Variants in PCDHA2 observed in about 807,000 individuals in gnomAD.
PCDHA2 encodes protocadherin alpha 2.
A neutral mutation model predicts 66.0 loss-of-function variants in PCDHA2; 58 were observed. The ratio of observed to expected loss-of-function variants is 0.88; its 90% confidence interval spans 0.71 to 1.09. The LOEUF (loss-of-function observed/expected upper bound fraction) is 1.09, where lower values mean the gene tolerates loss of function less well. PCDHA2 is among the 50% of genes least tolerant of loss of function. The pLI, the probability that PCDHA2 is intolerant of heterozygous loss-of-function variation, is 0.00. For synonymous variants in PCDHA2, 634 were observed against 554.0 expected (o/e 1.14, Z -2.03); for missense variants, 1,267 against 1,242.3 (o/e 1.02, Z -0.30).
rs782035990 is a variant in PCDHA2 at position 140,871,124 on chromosome 5, C to A, written c.2388+73772C>A. 142 of 1,613,206 alleles carry A rather than the reference C, an allele frequency of 8.8e-5. No individual in the cohort carries two copies. The highest frequency in any genetic ancestry group is 1.2e-4 in the Non-Finnish European group (138 of 1,179,888). Reference sequence around the variant, plus strand: ...GTGTCGTTGGTGGAGAGCGGACAGGCGCCAAAGGCCTCTTCCCGGACTTTG... The same window carrying A: ...GTGTCGTTGGTGGAGAGCGGACAGGAGCCAAAGGCCTCTTCCCGGACTTTG... On this transcript the variant is annotated intron_variant, in intron 1 of 3. Coordinates refer to ENST00000526136, the MANE Select transcript of PCDHA2 (RefSeq NM_018905.3).
At chr5:140,974,009 A>C (rs1554235749) in intron 1 of PCDHA2, among the ~76,000 whole-genome samples, 2 of 152,236 alleles carry the variant, frequency 1.3e-5, no homozygotes, top group African/African-American at 4.8e-5. Flanking sequence ...TGTTTTGTGC[A>C]TGTGATAATA....
In PCDHA2 at chr5:140,802,957, C is replaced by A. The variant is rs368124157; in HGVS notation, c.2388+5605C>A. Reference sequence around the variant, plus strand: ...GAGCTGGTGCCGCGGTCAGTGGGTGCGGGCCACGTGGTAGCGAAGGTGCGC... The same window carrying A: ...GAGCTGGTGCCGCGGTCAGTGGGTGAGGGCCACGTGGTAGCGAAGGTGCGC... On this transcript the variant is annotated intron_variant, in intron 1 of 3. Transcript: ENST00000526136. The A allele has an allele frequency of 3.1e-6, 5 of 1,613,890 alleles. No homozygotes were observed. The highest frequency in any genetic ancestry group is 4.2e-6 in the Non-Finnish European group (5 of 1,179,896).
chr5:140,931,279 C>T (rs73793526), intron 1 of PCDHA2, among the ~76,000 whole-genome samples: 2,016 of 152,088 alleles, frequency 0.013, 37 homozygotes, highest in African/African-American at 0.046. Context: ...CTTTTATTTT[C>T]ATTGCTTTCT....
intron 1 of PCDHA2, chr5:140,927,342 T>C: frequency 6.2e-7 from 1 of 1,614,160 alleles, no homozygotes; most frequent in Non-Finnish European, 8.5e-7. Context: ...ATGCCCAAGA[T>C]GACGACGAGG....
chr5:140,980,824 A>G (rs2096907010), intron 2 of PCDHA2, among the ~76,000 whole-genome samples: 1 of 152,192 alleles, frequency 6.6e-6, no homozygotes, highest in Non-Finnish European at 1.5e-5. Flanking sequence ...ATATTAAATG[A>G]GTTGTGAACC....
intron 1 of PCDHA2, chr5:140,882,379 G>A (rs782537158): frequency 1.9e-6 from 3 of 1,614,230 alleles, no homozygotes; most frequent in South Asian, 1.1e-5. Context: ...CCGTCCCCGA[G>A]GAAGCAAAAC....
In PCDHA2 at chr5:140,834,765, G is replaced by C. The variant is rs2150225893; in HGVS notation, c.2388+37413G>C. 7 of 1,614,098 alleles carry C rather than the reference G, an allele frequency of 4.3e-6. No homozygotes were observed. The highest frequency in any genetic ancestry group is 5.9e-6 in the Non-Finnish European group (7 of 1,180,028). On this transcript the variant is annotated intron_variant, in intron 1 of 3. Transcript: ENST00000526136. The stretch of plus-strand genomic sequence containing the variant: ...GGACGTGGAGGTGAAGGACATTAAC[G>C]ACAACCCTCCGGTGTTCCCAGCGAC...
chr5:140,998,423 T>C (rs1248330149), intron 3 of PCDHA2, among the ~76,000 whole-genome samples: 1 of 152,248 alleles, frequency 6.6e-6, no homozygotes, highest in African/African-American at 2.4e-5. Context: ...ACCTGGTTTA[T>C]CCTTTAACAC....
intron 1 of PCDHA2, chr5:140,863,371 C>A: frequency 2.6e-6 from 3 of 1,169,148 alleles, no homozygotes; most frequent in Non-Finnish European, 3.7e-6. Context: ...CTTGGCGCAG[C>A]TCACCGAGAG....
At chr5:140,922,391 G>T (rs1354789717) in intron 1 of PCDHA2, among the ~76,000 whole-genome samples, 1 of 152,182 alleles carries the variant, frequency 6.6e-6, no homozygotes, top group Non-Finnish European at 1.5e-5. Context: ...AAGACTCCTT[G>T]TTTTGGATTA....
chr5:140,837,248 CTTTT>C (rs1379591542), intron 1 of PCDHA2: 2 of 152,172 alleles, frequency 1.3e-5, no homozygotes, highest in African/African-American at 2.4e-5. Flanking sequence ...TATTTATCTT[CTTTT>C]TATCATATTT....
At chr5:140,873,452 C>G (rs147398020) in intron 1 of PCDHA2, among the ~76,000 whole-genome samples, 1 of 152,006 alleles carries the variant, frequency 6.6e-6, no homozygotes, top group South Asian at 2.1e-4. Context: ...AACAAATTTG[C>G]ATTTTAGATA....
At chr5:140,889,415 G>A (rs192243576) in intron 1 of PCDHA2, among the ~76,000 whole-genome samples, 212 of 152,058 alleles carry the variant, frequency 1.4e-3, no homozygotes, top group African/African-American at 5.0e-3. Flanking sequence ...AGTCAGTTAC[G>A]TAGATAATAT....
At chr5:140,824,119 A>G (rs1343333286) in intron 1 of PCDHA2, 1 of 1,613,878 alleles carries the variant, frequency 6.2e-7, no homozygotes, top group Non-Finnish European at 8.5e-7. Flanking sequence ...TCCCACCTCT[A>G]CAGACAACGT....
chr5:140,988,038 T>C (rs1045669411), intron 3 of PCDHA2, among the ~76,000 whole-genome samples: 1 of 152,212 alleles, frequency 6.6e-6, no homozygotes, highest in African/African-American at 2.4e-5. Flanking sequence ...TTTTAGAATC[T>C]GTTTAGGAGC....
At position 140,835,620 on chromosome 5, in the gene PCDHA2, C is replaced by G; in HGVS notation, c.2388+38268C>G. 3.7e-6 allele frequency: 6 copies of G among 1,613,942 alleles called. No homozygotes were observed. The South Asian group carries it at 5.5e-5, about 15-fold the overall frequency. On this transcript the variant is annotated intron_variant, in intron 1 of 3. Transcript: ENST00000526136. Reference sequence around the variant, plus strand: ...CTATTCATTGGTGCTGGACAGCGCTCTGGACCGCGAGAGTGTGTCCGCCTA... The same window carrying G: ...CTATTCATTGGTGCTGGACAGCGCTGTGGACCGCGAGAGTGTGTCCGCCTA...
At chr5:141,001,794 T>C (rs2098037139) in intron 3 of PCDHA2, among the ~76,000 whole-genome samples, 1 of 152,184 alleles carries the variant, frequency 6.6e-6, no homozygotes, top group Non-Finnish European at 1.5e-5. Flanking sequence ...CCTGAGTATA[T>C]ACTATCATTC....
chr5:140,992,270 G>A (rs115480506), intron 3 of PCDHA2, among the ~76,000 whole-genome samples: 186 of 152,264 alleles, frequency 1.2e-3, no homozygotes, highest in African/African-American at 4.1e-3. Flanking sequence ...AGTTCTTTTC[G>A]TAGCACATCC....
intron 1 of PCDHA2, among the ~76,000 whole-genome samples, chr5:140,952,656 T>A (rs1554220534): frequency 6.6e-6 from 1 of 152,188 alleles, no homozygotes; most frequent in Admixed American, 6.5e-5. Flanking sequence ...GTTACCCAGT[T>A]CCAAAGTCAC....
Sources: allele counts gnomAD v4.1 joint callset (sites outside exome capture counted in the v4.1 genomes callset), GRCh38; gene constraint gnomAD v4.1.1; transcripts MANE v1.5; gene names NCBI Gene and HGNC (gene_info 2026-07-23, HGNC 2026-07-21).